The following ZNF804A variants were observed in gnomAD, a reference collection of about 807,000 sequenced individuals.
ZNF804A encodes zinc finger protein 804A.
Under a neutral mutation model 16.5 loss-of-function variants are expected in ZNF804A, and 2 were observed. The observed-to-expected ratio is 0.12, with a 90% CI of 0.05 to 0.38. ZNF804A has a LOEUF of 0.38. Among genes scored for constraint, ZNF804A ranks in the 10% least tolerant of loss-of-function variants. The probability of loss-of-function intolerance (pLI) is 0.99; values close to 1 mark genes in which losing one functional copy is unlikely to be tolerated. For synonymous variants in ZNF804A, 534 were observed against 489.6 expected (o/e 1.09, Z -1.20); for missense variants, 1,473 against 1,390.7 (o/e 1.06, Z -0.94).
At chr2:184,885,278 T>C (rs887563089) in intron 2 of ZNF804A, among the ~76,000 whole-genome samples, 3 of 152,326 alleles carry the variant, frequency 2.0e-5, no homozygotes, top group South Asian at 2.1e-4. Context: ...GAAAACAGCT[T>C]GGTGATTTCT....
At chr2:184,782,382 G>T (rs1393285655) in intron 1 of ZNF804A, among the ~76,000 whole-genome samples, 1 of 151,398 alleles carries the variant, frequency 6.6e-6, no homozygotes, top group Non-Finnish European at 1.5e-5. Context: ...CCCTTAATCT[G>T]GGTGGGCACC....
At chr2:184,804,652 G>A (rs528732411) in intron 1 of ZNF804A, among the ~76,000 whole-genome samples, 1 of 152,098 alleles carries the variant, frequency 6.6e-6, no homozygotes, top group Admixed American at 6.6e-5. Context: ...GAAACCAAAA[G>A]ACAAGTGTTA....
chr2:184,885,686 G>A (rs1294790864), intron 2 of ZNF804A, among the ~76,000 whole-genome samples: 1 of 152,124 alleles, frequency 6.6e-6, no homozygotes, highest in East Asian at 1.9e-4. Context: ...GGAGGTGAAA[G>A]GTGCTACTTA....
At chr2:184,629,168 A>T (rs1187932844) in intron 1 of ZNF804A, among the ~76,000 whole-genome samples, 1 of 152,122 alleles carries the variant, frequency 6.6e-6, no homozygotes, top group African/African-American at 2.4e-5. Context: ...TTCATAGTAT[A>T]TTCCTTTGTT....
intron 1 of ZNF804A, among the ~76,000 whole-genome samples, chr2:184,618,293 T>C (rs2105677607): frequency 6.6e-6 from 1 of 152,276 alleles, no homozygotes; most frequent in East Asian, 1.9e-4. Context: ...ATTGGCATTA[T>C]TGCCTATTTA....
chr2:184,866,076 T>C (rs546626168), intron 1 of ZNF804A, among the ~76,000 whole-genome samples: 13 of 152,342 alleles, frequency 8.5e-5, no homozygotes, highest in Admixed American at 1.3e-4. Flanking sequence ...TCAGTTTTTA[T>C]GCTAACCTAG....
chr2:184,773,989 C>T (rs1469616098), intron 1 of ZNF804A, among the ~76,000 whole-genome samples: 3 of 151,750 alleles, frequency 2.0e-5, no homozygotes, highest in East Asian at 1.9e-4. Flanking sequence ...GGGTTTGAAT[C>T]GAGAGCTGTG....
At chr2:184,712,124 A>G (rs1247673471) in intron 1 of ZNF804A, among the ~76,000 whole-genome samples, 1 of 151,434 alleles carries the variant, frequency 6.6e-6, no homozygotes, top group Non-Finnish European at 1.5e-5. Context: ...TTTTTTTGTG[A>G]TCTCTTTAAT....
At chr2:184,640,878 A>C (rs1691785747) in intron 1 of ZNF804A, among the ~76,000 whole-genome samples, 1 of 152,214 alleles carries the variant, frequency 6.6e-6, no homozygotes, top group African/African-American at 2.4e-5. Context: ...TTTAAGATGA[A>C]AAGACTGACT....
intron 2 of ZNF804A, among the ~76,000 whole-genome samples, chr2:184,919,244 G>T (rs1211952644): frequency 6.6e-6 from 1 of 152,172 alleles, no homozygotes. Context: ...CCCCTTTCAT[G>T]ATGAAAGCCA....
intron 1 of ZNF804A, among the ~76,000 whole-genome samples, chr2:184,653,635 C>T (rs1338169621): frequency 2.0e-5 from 3 of 152,220 alleles, no homozygotes; most frequent in Admixed American, 6.5e-5. Context: ...TTGCATCCAT[C>T]TTCCCCTGGT....
chr2:184,851,292 C>T, intron 1 of ZNF804A, among the ~76,000 whole-genome samples: 1 of 151,878 alleles, frequency 6.6e-6, no homozygotes, highest in African/African-American at 2.4e-5. Flanking sequence ...TGAACTTATT[C>T]TTCCTAACTG....
At chr2:184,816,739 T>C (rs1694988970) in intron 1 of ZNF804A, among the ~76,000 whole-genome samples, 1 of 152,098 alleles carries the variant, frequency 6.6e-6, no homozygotes, top group Admixed American at 6.6e-5. Flanking sequence ...TGCTGTTTCT[T>C]GTTTGGGAGT....
intron 1 of ZNF804A, among the ~76,000 whole-genome samples, chr2:184,715,081 AG>A (rs1005627991): frequency 1.7e-4 from 26 of 152,262 alleles, no homozygotes; most frequent in African/African-American, 6.3e-4. Context: ...GAGTAGCCTA[AG>A]GAAAATCTTG....
chr2:184,710,674 C>T (rs1324253770), intron 1 of ZNF804A, among the ~76,000 whole-genome samples: 6 of 151,558 alleles, frequency 4.0e-5, no homozygotes, highest in African/African-American at 1.2e-4. Flanking sequence ...TTATTTTTTT[C>T]TCACTGCAGC....
chr2:184,702,190 G>A (rs1057221639), intron 1 of ZNF804A, among the ~76,000 whole-genome samples: 1 of 151,962 alleles, frequency 6.6e-6, no homozygotes, highest in African/African-American at 2.4e-5. Flanking sequence ...TATGCTAATT[G>A]TATCAATAAT....
At chr2:184,729,114 A>G (rs977810647) in intron 1 of ZNF804A, among the ~76,000 whole-genome samples, 2 of 151,874 alleles carry the variant, frequency 1.3e-5, no homozygotes, top group Non-Finnish European at 2.9e-5. Flanking sequence ...TAAGAGATCT[A>G]TTGAACATCA....
chr2:184,627,779 C>A (rs1306480769), intron 1 of ZNF804A, among the ~76,000 whole-genome samples: 1 of 152,094 alleles, frequency 6.6e-6, no homozygotes, highest in Non-Finnish European at 1.5e-5. Flanking sequence ...TTCTAAGAAG[C>A]TCTTCAAGTT....
intron 1 of ZNF804A, among the ~76,000 whole-genome samples, chr2:184,829,554 AG>A: frequency 6.6e-6 from 1 of 152,060 alleles, no homozygotes; most frequent in Non-Finnish European, 1.5e-5. Flanking sequence ...GCTTCCAAAA[AG>A]ATTTCAGTGA....
Sources: allele counts gnomAD v4.1 joint callset (sites outside exome capture counted in the v4.1 genomes callset), GRCh38; gene constraint gnomAD v4.1.1; transcripts MANE v1.5; gene names NCBI Gene and HGNC (gene_info 2026-07-23, HGNC 2026-07-21).